Variants in POU2F2 observed in about 807,000 individuals in gnomAD.
POU2F2 encodes POU domain, class 2, transcription factor 2.
In POU2F2, 14 loss-of-function variants were observed where a neutral mutation model predicts 63.5. That is an observed-to-expected ratio of 0.22 (90% CI 0.15 to 0.34). The LOEUF (loss-of-function observed/expected upper bound fraction) is 0.34, where lower values mean the gene tolerates loss of function less well. Ranked by LOEUF, POU2F2 falls within the 10% of genes least tolerant of loss-of-function variation. The pLI, the probability that POU2F2 is intolerant of heterozygous loss-of-function variation, is 1.00. For missense variants in POU2F2, 607 were observed against 815.2 expected (o/e 0.74, Z 3.11); for synonymous variants, 306 against 348.6 (o/e 0.88, Z 1.36).
chr19:42,157,596 G>A (rs1249306569), intron 2 of POU2F2: 1 of 152,288 alleles, frequency 6.6e-6, no homozygotes, highest in Non-Finnish European at 1.5e-5. Context: ...GCCAGGGACT[G>A]AGTATAGACA....
At chr19:42,116,886 G>A (rs1300426986) in intron 5 of POU2F2, 16 of 471,264 alleles carry the variant, frequency 3.4e-5, no homozygotes, top group East Asian at 3.0e-4. Flanking sequence ...AGGCGGCGGC[G>A]GCGGCGGCAG....
chr19:42,193,778 T>C (rs1451839918), intron 1 of POU2F2, among the ~76,000 whole-genome samples: 1 of 152,144 alleles, frequency 6.6e-6, no homozygotes, highest in Non-Finnish European at 1.5e-5. Flanking sequence ...TATAGAAACA[T>C]AAGCATTTGT....
At chr19:42,127,604 A>G (rs770839011) in intron 1 of POU2F2, among the ~76,000 whole-genome samples, 1 of 151,734 alleles carries the variant, frequency 6.6e-6, no homozygotes, top group Admixed American at 6.6e-5. Flanking sequence ...GATGGTCTCA[A>G]TCTCCTGACC....
At position 42,091,863 on chromosome 19, in the gene POU2F2, G is replaced by A. The variant is rs985103362; in HGVS notation, c.1540+4C>T. The A allele has an allele frequency of 1.6e-5, 25 of 1,538,632 alleles. No individual in the cohort carries two copies. Among genetic ancestry groups the A allele is most frequent in the Admixed American group, 1.4e-4 (7 of 50,978 alleles). On this transcript the variant is annotated splice_donor_region_variant and intron_variant, in intron 14 of 14. Transcript: ENST00000692977. ...CGATGGGTGTGACATGAGGCAGCAC[G>A]CACCTTGGATAGTGGCCAAAGGGTT...
intron 7 of POU2F2, among the ~76,000 whole-genome samples, chr19:42,097,132 G>A (rs1033463565): frequency 1.3e-5 from 2 of 151,440 alleles, no homozygotes; most frequent in East Asian, 1.9e-4. Flanking sequence ...GATGTTTGTC[G>A]CTCAGGTCCT....
chr19:42,177,323 C>T (rs1163689602), upstream of POU2F2: 1 of 153,216 alleles, frequency 6.5e-6, no homozygotes, highest in Non-Finnish European at 1.5e-5. Flanking sequence ...TGCTCCTCGC[C>T]TGAGCTGCCG....
rs60030513 is a variant in POU2F2, at chr19:42,091,094, C to CTTT, written c.*160_*162dup. ...TCTCTTTTGTTGGTTAGTTTCTTTCCTTTTTTTTTTTTTTTTTGGTTGGTT... is the reference window on the plus strand; with the variant it reads ...TCTCTTTTGTTGGTTAGTTTCTTTCCTTTTTTTTTTTTTTTTTTTTGGTTGGTT... On this transcript the variant is annotated 3_prime_UTR_variant, in exon 15 of 15. Coordinates refer to ENST00000692977, the MANE Select transcript of POU2F2 (RefSeq NM_001394376.1). 23 of 361,028 alleles carry CTTT rather than the reference C, an allele frequency of 6.4e-5. No individual in the cohort carries two copies. Among genetic ancestry groups the CTTT allele is most frequent in the East Asian group, 8.6e-5 (2 of 23,238 alleles). 22.4% of individuals were successfully genotyped at this position (361,028 alleles called of 1,614,324 possible). A position where few individuals can be genotyped will look rare whatever the true frequency, so the allele number is the denominator to read the frequency against.
chr19:42,125,383 G>C (rs2083772926), intron 1 of POU2F2, among the ~76,000 whole-genome samples: 1 of 141,994 alleles, frequency 7.0e-6, no homozygotes, highest in African/African-American at 2.6e-5. Flanking sequence ...AAAAGATGTA[G>C]ACTGTTGAGG....
At chr19:42,182,274 G>GAGAC (rs2034970580) in intron 1 of POU2F2, among the ~76,000 whole-genome samples, 1 of 150,362 alleles carries the variant, frequency 6.7e-6, no homozygotes. Flanking sequence ...GAGAGAGAGA[G>GAGAC]AGAGAGACCT....
chr19:42,095,971 GCCTTC>G lies in POU2F2; in HGVS notation c.730-47_730-43del. On this transcript the variant is annotated intron_variant, in intron 8 of 14. Transcript: ENST00000692977. This position sits in a 1 kb window ranked among gnomAD's most constrained non-coding sequence, Gnocchi z 7.1. ...GGGAAGGGCCCGAAGTCAGGGTGGG[GCCTTC>G]CGGCACTGGGCCCGCTCCGCCCGCC... 6.2e-7 allele frequency: 1 copy of G among 1,605,210 alleles called. No individual in the cohort carries two copies. The highest frequency in any genetic ancestry group is 1.1e-5 in the South Asian group (1 of 89,848).
intron 5 of POU2F2, chr19:42,116,866 G>C: frequency 4.5e-6 from 2 of 442,996 alleles, no homozygotes; most frequent in South Asian, 3.3e-5. Flanking sequence ...GGAAGTAGAG[G>C]AGGAGGCGGA....
At position 42,093,863 on chromosome 19, in the gene POU2F2, C is replaced by T. The variant is rs375995375; in HGVS notation, c.1230G>A (p.Pro410=). The part of the protein sequence containing the change: ...VTPQGGAGTL[P]LSQASSSLST... Reference sequence around the variant, plus strand: ...TCAGACTGCTGGAAGCTTGGGACAACGGTAAGGTCCCCGCGCCCCCTTGGG... The same window carrying T: ...TCAGACTGCTGGAAGCTTGGGACAATGGTAAGGTCCCCGCGCCCCCTTGGG... Residue 410 remains proline (P), a synonymous_variant, in exon 12 of 15, where the codon CCG becomes CCA. Transcript: ENST00000692977. 2.5e-4 allele frequency: 403 copies of T among 1,611,922 alleles called. No individual in the cohort carries two copies. Among genetic ancestry groups the T allele is most frequent in the East Asian group, 3.6e-4 (16 of 44,818 alleles).
chr19:42,132,130 C>A (rs942711430), intron 1 of POU2F2, among the ~76,000 whole-genome samples: 6 of 152,206 alleles, frequency 3.9e-5, no homozygotes, highest in African/African-American at 1.4e-4. Context: ...CCCTCCCTCC[C>A]GTCCCCAGAC....
chr19:42,174,631 C>T (rs922817659), intron 1 of POU2F2, among the ~76,000 whole-genome samples: 9 of 152,000 alleles, frequency 5.9e-5, no homozygotes, highest in African/African-American at 7.3e-5. Flanking sequence ...GCCAAGGCTT[C>T]GAGGCCCAGC....
At chr19:42,146,429 T>G (rs1270707845) in intron 2 of POU2F2, among the ~76,000 whole-genome samples, 1 of 152,202 alleles carries the variant, frequency 6.6e-6, no homozygotes, top group Non-Finnish European at 1.5e-5. Flanking sequence ...CTTCTGCCAA[T>G]ATGAACCATT....
chr19:42,190,335 TAAC>T (rs2035062588), intron 1 of POU2F2, among the ~76,000 whole-genome samples: 1 of 152,156 alleles, frequency 6.6e-6, no homozygotes, highest in Admixed American at 6.6e-5. Flanking sequence ...ATATGTTTGA[TAAC>T]AAGTTGAAGG....
chr19:42,152,230 T>C lies in POU2F2; in HGVS notation c.-9+8102A>G, dbSNP rs1197912697. On this transcript the variant is annotated intron_variant, in intron 2 of 6. Coordinates refer to the POU2F2 transcript ENST00000524801. This position sits in a 1 kb window ranked among gnomAD's most constrained non-coding sequence, Gnocchi z 4.1. The stretch of plus-strand genomic sequence containing the variant: ...AAAGAGACAGAAGGAAACAGGCAGA[T>C]CTTCTGTGCTTAAATTCTCCTATGA... 1.3e-5 allele frequency among the ~76,000 whole-genome samples: 2 copies of C among 151,960 alleles called. No individual in the cohort carries two copies. The highest frequency in any genetic ancestry group is 2.9e-5 in the Non-Finnish European group (2 of 67,974).
At position 42,165,082 on chromosome 19, in the gene POU2F2, T is replaced by G. The variant is rs182093535; in HGVS notation, c.-69-4690A>C. ...TTCTGTTATTTCTACAATGAACATG[T>G]GTCACACCATTTGTCTGTAATTGAC... is the stretch of plus-strand genomic sequence containing the variant. On this transcript the variant is annotated intron_variant, in intron 1 of 6. Coordinates refer to the POU2F2 transcript ENST00000524801. Among the ~76,000 whole-genome samples the G allele has an allele frequency of 1.1e-4, 17 of 152,354 alleles. No individual in the cohort carries two copies. In the East Asian group the frequency reaches 3.3e-3, roughly 29 times the overall value.
chr19:42,091,924 A>G lies in POU2F2; in HGVS notation c.1483T>C (p.Leu495=). The G allele has an allele frequency of 6.5e-7, 1 of 1,541,150 alleles. No homozygotes were observed. The highest frequency in any genetic ancestry group is 8.7e-7 in the Non-Finnish European group (1 of 1,145,948). The change falls in exon 14 of 15, where the codon TTG becomes CTG. Residue 495 remains leucine (L), a synonymous_variant. Coordinates refer to ENST00000692977, the MANE Select transcript of POU2F2 (RefSeq NM_001394376.1). The part of the protein sequence containing the change: ...NPSTGSTMVG[L]SSGLSPALMS... ...AGGGCTGGACTCAGCCCGGAGCTCA[A>G]CCCCACCATTGTGCTTCTGCAAGAG... is the stretch of plus-strand genomic sequence containing the variant.
Sources: gnomAD v4.1 joint callset for allele counts (sites outside exome capture counted in the v4.1 genomes callset) on GRCh38, gnomAD v4.1.1 for gene constraint, Gnocchi (gnomAD v3.1) non-coding constraint, MANE v1.5 for transcripts, NCBI Gene and HGNC (gene_info 2026-07-23, HGNC 2026-07-21) for gene names.